The following SLC9A9 variants were observed in gnomAD, a reference collection of about 807,000 sequenced individuals.
SLC9A9 encodes the protein sodium/hydrogen exchanger 9.
In SLC9A9, 62 loss-of-function variants were observed where a neutral mutation model predicts 77.8. The ratio of observed to expected loss-of-function variants is 0.80; its 90% CI spans 0.65 to 0.98. SLC9A9 has a LOEUF of 0.98. Ranked by LOEUF, SLC9A9 falls within the 50% of genes least tolerant of loss-of-function variation. SLC9A9 has a pLI of 0.00. For missense variants in SLC9A9, 775 were observed against 774.9 expected, an observed-to-expected ratio of 1.00 and a Z score of 0.00; for synonymous variants, 320 against 283.5, an observed-to-expected ratio of 1.13 and a Z score of -1.29.
chr3:143,342,010 G>T, intron 14 of SLC9A9, among the ~76,000 whole-genome samples: 1 of 152,176 alleles, frequency 6.6e-6, no homozygotes, highest in East Asian at 1.9e-4. Context: ...TGGATGTGGA[G>T]CTGTGTTATG....
intron 13 of SLC9A9, among the ~76,000 whole-genome samples, chr3:143,374,999 AT>A (rs1559888251): frequency 6.6e-6 from 1 of 152,134 alleles, no homozygotes; most frequent in African/African-American, 2.4e-5. Context: ...CAATTGTTCA[AT>A]TGGGGGTTTT....
At chr3:143,336,769 T>G (rs536075138) in intron 14 of SLC9A9, among the ~76,000 whole-genome samples, 1 of 152,268 alleles carries the variant, frequency 6.6e-6, no homozygotes, top group Non-Finnish European at 1.5e-5. Flanking sequence ...TCAATGGGTA[T>G]AGAGTTTCAG....
chr3:143,519,154 C>A (rs1222959873), intron 9 of SLC9A9, among the ~76,000 whole-genome samples: 3 of 151,980 alleles, frequency 2.0e-5, no homozygotes, highest in Non-Finnish European at 4.4e-5. Flanking sequence ...ATAAACAAGA[C>A]AAATAACTTA....
chr3:143,742,933 T>A (rs1002709090), intron 4 of SLC9A9, among the ~76,000 whole-genome samples: 15 of 152,102 alleles, frequency 9.9e-5, no homozygotes, highest in African/African-American at 3.6e-4. Flanking sequence ...ATTTAAAAAT[T>A]AAAATAAATG....
chr3:143,791,430 C>T (rs749197015), intron 4 of SLC9A9, among the ~76,000 whole-genome samples: 87 of 152,318 alleles, frequency 5.7e-4, no homozygotes, highest in Non-Finnish European at 1.2e-3. Context: ...TACAGAAGGT[C>T]ACAGCCCACC....
intron 9 of SLC9A9, among the ~76,000 whole-genome samples, chr3:143,546,183 A>G (rs1009817313): frequency 1.3e-5 from 2 of 152,220 alleles, no homozygotes; most frequent in Non-Finnish European, 2.9e-5. Flanking sequence ...GAATTTTCAG[A>G]GTCATGCACA....
At chr3:143,537,982 C>T (rs1417856513) in intron 9 of SLC9A9, among the ~76,000 whole-genome samples, 1 of 152,204 alleles carries the variant, frequency 6.6e-6, no homozygotes, top group African/African-American at 2.4e-5. Context: ...CACTACATGT[C>T]TAAATCCCAA....
chr3:143,529,336 C>G (rs2036464567), intron 9 of SLC9A9, among the ~76,000 whole-genome samples: 1 of 152,144 alleles, frequency 6.6e-6, no homozygotes. Context: ...GGAAGAGACC[C>G]AGAGGATTTC....
At chr3:143,663,660 C>T (rs998024446) in intron 5 of SLC9A9, among the ~76,000 whole-genome samples, 23 of 152,082 alleles carry the variant, frequency 1.5e-4, no homozygotes, top group African/African-American at 5.6e-4. Flanking sequence ...CCAAGAACTA[C>T]GTGACGCATG....
chr3:143,818,306 T>TTA (rs958651178), intron 2 of SLC9A9, among the ~76,000 whole-genome samples: 10 of 151,980 alleles, frequency 6.6e-5, no homozygotes, highest in Non-Finnish European at 1.2e-4. Context: ...CTCAGACTTG[T>TTA]TATATATATA....
intron 4 of SLC9A9, among the ~76,000 whole-genome samples, chr3:143,768,431 G>A (rs1368589780): frequency 6.6e-6 from 1 of 152,140 alleles, no homozygotes; most frequent in Non-Finnish European, 1.5e-5. Flanking sequence ...AGGGATGAAA[G>A]TTTCATCTCT....
chr3:143,298,653 TC>T (rs1328427220), intron 14 of SLC9A9, among the ~76,000 whole-genome samples: 1 of 152,132 alleles, frequency 6.6e-6, no homozygotes, highest in African/African-American at 2.4e-5. Flanking sequence ...TCATGGCTGG[TC>T]TATTCTTATA....
chr3:143,401,843 G>A (rs932291563), intron 12 of SLC9A9, among the ~76,000 whole-genome samples: 3 of 152,140 alleles, frequency 2.0e-5, no homozygotes, highest in African/African-American at 7.2e-5. Flanking sequence ...CACTTATGAT[G>A]CCTTAAATCA....
At chr3:143,318,526 C>T (rs189665267) in intron 14 of SLC9A9, among the ~76,000 whole-genome samples, 2 of 152,246 alleles carry the variant, frequency 1.3e-5, no homozygotes, top group Non-Finnish European at 1.5e-5. Flanking sequence ...ACATACAGAC[C>T]TCACAATTAG....
chr3:143,780,579 T>A (rs757508910), intron 4 of SLC9A9, among the ~76,000 whole-genome samples: 1 of 152,198 alleles, frequency 6.6e-6, no homozygotes, highest in South Asian at 2.1e-4. Flanking sequence ...ATGGAAGATA[T>A]AAGGCTAAAC....
chr3:143,537,668 T>C (rs1038460151), intron 9 of SLC9A9, among the ~76,000 whole-genome samples: 1 of 152,246 alleles, frequency 6.6e-6, no homozygotes, highest in African/African-American at 2.4e-5. Context: ...CTCAAATTCT[T>C]TCAAGTTTAC....
intron 14 of SLC9A9, among the ~76,000 whole-genome samples, chr3:143,332,710 C>T (rs1051438906): frequency 2.6e-5 from 4 of 152,166 alleles, no homozygotes; most frequent in Admixed American, 2.0e-4. Flanking sequence ...ATCATGGAAA[C>T]ATTTATTTAT....
At chr3:143,644,395 C>A (rs1465137251) in intron 6 of SLC9A9, among the ~76,000 whole-genome samples, 1 of 152,222 alleles carries the variant, frequency 6.6e-6, no homozygotes, top group Admixed American at 6.5e-5. Flanking sequence ...TCTGGAGACG[C>A]TGCCAGTGAA....
At chr3:143,546,126 T>C (rs1576568080) in intron 9 of SLC9A9, among the ~76,000 whole-genome samples, 1 of 152,346 alleles carries the variant, frequency 6.6e-6, no homozygotes, top group African/African-American at 2.4e-5. Context: ...CAGCCAAGTG[T>C]CCTTTCCACT....
Sources: allele counts gnomAD v4.1 joint callset (sites outside exome capture counted in the v4.1 genomes callset), GRCh38; gene constraint gnomAD v4.1.1; transcripts MANE v1.5; gene names NCBI Gene and HGNC (gene_info 2026-07-23, HGNC 2026-07-21).